CSMD1: variants seen among roughly 807,000 people sequenced by gnomAD.
The protein encoded by CSMD1 is CUB and sushi domain-containing protein 1.
In CSMD1, 213 loss-of-function variants were observed where a neutral mutation model predicts 417.5. The observed-to-expected ratio is 0.51, with a 90% CI of 0.46 to 0.57. The LOEUF (loss-of-function observed/expected upper bound fraction) is 0.57, where lower values mean the gene tolerates loss of function less well. CSMD1 is among the 20% of genes least tolerant of loss of function. CSMD1 has a pLI of 0.00. For missense variants in CSMD1, 6,923 were observed against 4,529.7 expected (o/e 1.53, Z -15.17); for synonymous variants, 2,862 against 1,736.8 (o/e 1.65, Z -16.11).
chr8:4,557,758 G>C (rs1526331), intron 2 of CSMD1, among the ~76,000 whole-genome samples: 33,714 of 149,904 alleles, frequency 0.22, 4,478 homozygotes, highest in Non-Finnish European at 0.29. Context: ...GTGTTTGACA[G>C]CATTAAGATG....
At chr8:4,422,301 A>T (rs549146866) in intron 2 of CSMD1, among the ~76,000 whole-genome samples, 107 of 152,118 alleles carry the variant, frequency 7.0e-4, no homozygotes, top group African/African-American at 2.5e-3. Flanking sequence ...CATTGACACT[A>T]CCCTTTCCCT....
chr8:3,994,891 C>G (rs1815081284), intron 5 of CSMD1, among the ~76,000 whole-genome samples: 1 of 152,024 alleles, frequency 6.6e-6, no homozygotes, highest in Admixed American at 6.6e-5. Context: ...GCTTATATGC[C>G]CTTTTTTAAA....
At chr8:3,805,703 C>G (rs184200129) in intron 5 of CSMD1, among the ~76,000 whole-genome samples, 1 of 152,110 alleles carries the variant, frequency 6.6e-6, no homozygotes, top group East Asian at 1.9e-4. Flanking sequence ...TCATTCTTTC[C>G]TATCTTTCTT....
intron 52 of CSMD1, among the ~76,000 whole-genome samples, chr8:3,009,675 C>G (rs1424158389): frequency 6.6e-6 from 1 of 152,150 alleles, no homozygotes; most frequent in Non-Finnish European, 1.5e-5. Flanking sequence ...AGTGCAATCT[C>G]TAGGGGCAAT....
intron 1 of CSMD1, among the ~76,000 whole-genome samples, chr8:4,860,485 C>G (rs1802066041): frequency 6.6e-6 from 1 of 152,032 alleles, no homozygotes; most frequent in Non-Finnish European, 1.5e-5. Flanking sequence ...TGCTGGCTCC[C>G]TCATCATCTT....
chr8:4,881,950 T>G (rs925265630), intron 1 of CSMD1, among the ~76,000 whole-genome samples: 1 of 151,964 alleles, frequency 6.6e-6, no homozygotes, highest in Non-Finnish European at 1.5e-5. Context: ...ATCAGCTTCA[T>G]GCAATGAAAA....
intron 7 of CSMD1, among the ~76,000 whole-genome samples, chr8:3,682,022 C>G (rs1799691084): frequency 6.6e-6 from 1 of 152,128 alleles, no homozygotes; most frequent in Non-Finnish European, 1.5e-5. Flanking sequence ...CTTCCTTACA[C>G]CTTATACAAA....
chr8:4,785,489 A>G (rs1013234135), intron 1 of CSMD1, among the ~76,000 whole-genome samples: 7 of 152,112 alleles, frequency 4.6e-5, no homozygotes, highest in Non-Finnish European at 7.4e-5. Context: ...AGACCAGCAG[A>G]GACTTAGAAA....
chr8:3,191,176 C>A (rs749612133), intron 33 of CSMD1, among the ~76,000 whole-genome samples: 17 of 152,158 alleles, frequency 1.1e-4, no homozygotes, highest in Non-Finnish European at 2.4e-4. Flanking sequence ...AAGCCCCAGC[C>A]GGGTGCAGTG....
intron 1 of CSMD1, among the ~76,000 whole-genome samples, chr8:4,653,637 C>A (rs146734571): frequency 4.6e-5 from 7 of 152,064 alleles, no homozygotes; most frequent in African/African-American, 1.7e-4. Context: ...TCAACTGCAG[C>A]GGGTTCCTGA....
At chr8:3,135,343 G>A (rs1205316511) in intron 41 of CSMD1, among the ~76,000 whole-genome samples, 1 of 152,174 alleles carries the variant, frequency 6.6e-6, no homozygotes, top group Non-Finnish European at 1.5e-5. Flanking sequence ...TTATATCACT[G>A]TTCCATGGCA....
chr8:4,463,943 A>G (rs2129975016), intron 2 of CSMD1, among the ~76,000 whole-genome samples: 1 of 152,316 alleles, frequency 6.6e-6, no homozygotes, highest in East Asian at 1.9e-4. Flanking sequence ...GCTCAGGACT[A>G]GAGAACAGAG....
chr8:4,932,974 G>A (rs1267974831), intron 1 of CSMD1, among the ~76,000 whole-genome samples: 4 of 152,282 alleles, frequency 2.6e-5, no homozygotes, highest in East Asian at 3.9e-4. Context: ...AGGAATTGAA[G>A]ATGGGATTAT....
chr8:3,887,169 C>T (rs1585142226), intron 5 of CSMD1, among the ~76,000 whole-genome samples: 1 of 152,186 alleles, frequency 6.6e-6, no homozygotes, highest in Non-Finnish European at 1.5e-5. Flanking sequence ...GAGGGTATTC[C>T]AGCTGCTGAA....
chr8:4,238,393 C>T (rs1234844229), intron 3 of CSMD1, among the ~76,000 whole-genome samples: 5 of 152,150 alleles, frequency 3.3e-5, no homozygotes, highest in South Asian at 2.1e-4. Flanking sequence ...GCTAACTCCG[C>T]CCTGAGCACA....
chr8:3,490,952 G>A (rs1393848868), intron 11 of CSMD1, among the ~76,000 whole-genome samples: 2 of 152,116 alleles, frequency 1.3e-5, no homozygotes, highest in Admixed American at 6.5e-5. Context: ...GATCCTTCAT[G>A]TTCCACTGAG....
At chr8:4,440,985 A>C (rs923788823) in intron 2 of CSMD1, among the ~76,000 whole-genome samples, 5 of 147,240 alleles carry the variant, frequency 3.4e-5, no homozygotes, top group Non-Finnish European at 7.6e-5. Context: ...TGACACAGTG[A>C]GACTCTATCT....
intron 1 of CSMD1, among the ~76,000 whole-genome samples, chr8:4,876,535 C>T (rs1207576773): frequency 1.3e-5 from 2 of 152,042 alleles, no homozygotes; most frequent in East Asian, 3.9e-4. Context: ...AGCAAATCAG[C>T]ACATTTCAAT....
At chr8:4,659,441 G>A (rs1162711634) in intron 1 of CSMD1, among the ~76,000 whole-genome samples, 1 of 152,160 alleles carries the variant, frequency 6.6e-6, no homozygotes, top group Non-Finnish European at 1.5e-5. Context: ...TAGACTTGCA[G>A]TGGAATACCA....
Sources: gnomAD v4.1 joint callset for allele counts (sites outside exome capture counted in the v4.1 genomes callset) on GRCh38, gnomAD v4.1.1 for gene constraint, MANE v1.5 for transcripts, NCBI Gene and HGNC (gene_info 2026-07-23, HGNC 2026-07-21) for gene names.